DMTF1: variants seen among roughly 807,000 people sequenced by gnomAD.
The protein encoded by DMTF1 is cyclin D binding myb like transcription factor 1, also known as cyclin-D-binding Myb-like transcription factor 1.
Under a neutral mutation model 91.1 loss-of-function variants are expected in DMTF1, and 39 were observed. The observed-to-expected ratio is 0.43, with a 90% CI of 0.33 to 0.56. The LOEUF is 0.56. DMTF1 is among the 20% of genes least tolerant of loss of function. DMTF1 has a pLI of 0.05. For synonymous variants in DMTF1, 338 were observed against 309.5 expected (o/e 1.09, Z -0.97); for missense variants, 750 against 914.5 (o/e 0.82, Z 2.32).
intron 1 of DMTF1, among the ~76,000 whole-genome samples, chr7:87,161,588 A>G (rs1792425838): frequency 6.6e-6 from 1 of 152,230 alleles, no homozygotes; most frequent in South Asian, 2.1e-4. Flanking sequence ...ATATTTGGAT[A>G]TATTTGTTGA....
chr7:87,192,979 T>A, intron 14 of DMTF1: 1 of 496,298 alleles, frequency 2.0e-6, no homozygotes. Context: ...CTGAAACAAA[T>A]AGCTGAGACC....
chr7:87,158,759 A>G (rs1791450338), intron 1 of DMTF1, among the ~76,000 whole-genome samples: 1 of 152,082 alleles, frequency 6.6e-6, no homozygotes, highest in Admixed American at 6.5e-5. Flanking sequence ...ATTTCATTTT[A>G]TACTTTTTTT....
rs1441457856 is a variant in DMTF1, at chr7:87,188,190, A to T, written c.1300A>T (p.Asn434Tyr). The change falls in exon 13 of 18, where the codon AAT becomes TAT. Residue 434 changes from asparagine to tyrosine, a missense_variant. By Grantham distance (143) the Asn-to-Tyr change is moderately radical. This residue lies in a region of DMTF1 where 410 missense variants were observed against 420.2 expected (regional missense o/e 0.98). Transcript: ENST00000331242. Reference protein sequence around the residue: ...SGSGVPNSNTNSSVQHVQIRV... With the variant: ...SGSGVPNSNTYSSVQHVQIRV... ...ATCTGGAGTTCCAAACAGTAATACC[A>T]ATTCCAGTGTGCAGCATGTTCAGAT... 1 of 1,613,988 alleles carries T rather than the reference A, an allele frequency of 6.2e-7. No homozygotes were observed.
At chr7:87,190,674 G>A (rs1406080641) in intron 13 of DMTF1, among the ~76,000 whole-genome samples, 1 of 152,054 alleles carries the variant, frequency 6.6e-6, no homozygotes, top group African/African-American at 2.4e-5. Context: ...ACCAGTAGGT[G>A]TGGCTGTGTT....
Position 87,190,967 on chromosome 7 carries a change from C to A in DMTF1, c.1434C>A (p.Thr478=), listed in dbSNP as rs773004621. ...CAGCTTCAGCAGACTCTCCTGCTAC[C>A]GTTGACTCAGAAACAATAACACTAA... is the stretch of plus-strand genomic sequence containing the variant. ...THVSSADSPA[T]VDSETITLNS... Residue 478 remains threonine, a synonymous_variant, in exon 14 of 18, where the codon ACC becomes ACA. Transcript: ENST00000331242. 1.9e-6 allele frequency: 3 copies of A among 1,610,350 alleles called. No individual in the cohort carries two copies. The highest frequency in any genetic ancestry group is 1.7e-5 in the Admixed American group (1 of 59,620).
intron 7 of DMTF1, among the ~76,000 whole-genome samples, chr7:87,176,949 A>T (rs913036586): frequency 2.6e-5 from 4 of 152,094 alleles, no homozygotes; most frequent in Non-Finnish European, 5.9e-5. Flanking sequence ...GAGGCAGGAG[A>T]ATCTTTCATC....
intron 14 of DMTF1, among the ~76,000 whole-genome samples, chr7:87,192,023 T>G (rs1466584494): frequency 6.6e-6 from 1 of 152,118 alleles, no homozygotes; most frequent in East Asian, 1.9e-4. Flanking sequence ...TCTAGTGGTC[T>G]TTGAAATGGG....
At chr7:87,190,826 A>T in intron 13 of DMTF1, 119 bp from the exon 14 acceptor site, 1 of 731,086 alleles carries the variant, frequency 1.4e-6, no homozygotes, top group Non-Finnish European at 2.1e-6. Context: ...TCAGGTCTCC[A>T]GGCAAATTAT....
At position 87,192,121 on chromosome 7, in the gene DMTF1, C is replaced by T. The variant is rs531789984; in HGVS notation, c.1495-1077C>T. On this transcript the variant is annotated intron_variant, in intron 14 of 17. Transcript: ENST00000331242. ...GGTAAACAATATATGTACACACCTA[C>T]ATATTTGAGGTATGTGTTCAGGTTT... 9.9e-5 allele frequency among the ~76,000 whole-genome samples: 15 copies of T among 152,150 alleles called. No individual in the cohort carries two copies. The South Asian group carries it at 2.7e-3, about 27-fold the overall frequency.
At chr7:87,154,940 C>G (rs1045135174) in intron 1 of DMTF1, among the ~76,000 whole-genome samples, 1 of 152,174 alleles carries the variant, frequency 6.6e-6, no homozygotes, top group Non-Finnish European at 1.5e-5. Flanking sequence ...CTATTAGCCT[C>G]ATTTATCTCT....
intron 1 of DMTF1, among the ~76,000 whole-genome samples, chr7:87,154,849 GGTTA>G (rs1353740426): frequency 2.6e-5 from 4 of 152,024 alleles, no homozygotes; most frequent in African/African-American, 9.7e-5. Context: ...TATTTTATAA[GGTTA>G]GTTTGATATC....
intron 5 of DMTF1, among the ~76,000 whole-genome samples, chr7:87,173,199 T>G (rs1237277041): frequency 1.3e-5 from 2 of 152,162 alleles, no homozygotes; most frequent in Non-Finnish European, 2.9e-5. Flanking sequence ...TATTTAAATT[T>G]CCCTGAATAT....
Position 87,166,471 on chromosome 7 carries a change from T to G in DMTF1, c.110-12T>G. ...GGTTTGAAATTTTTGTTTGTTTGTT[T>G]TCTTCCATTAGAAGCGGATGAAATA... On this transcript the variant is annotated splice_polypyrimidine_tract_variant and intron_variant, in intron 3 of 17. Transcript: ENST00000331242. 1 of 1,600,320 alleles carries G rather than the reference T, an allele frequency of 6.2e-7. No individual in the cohort carries two copies. Among genetic ancestry groups the G allele is most frequent in the Non-Finnish European group, 8.5e-7 (1 of 1,175,412 alleles).
intron 13 of DMTF1, among the ~76,000 whole-genome samples, chr7:87,189,768 C>G (rs1250448663): frequency 6.6e-6 from 1 of 152,124 alleles, no homozygotes; most frequent in East Asian, 1.9e-4. Context: ...GAGGGATAGT[C>G]TTTGTTTAGC....
chr7:87,184,823 G>GT (rs1478959465), intron 11 of DMTF1, 198 bp downstream of exon 11: 1 of 678,824 alleles, frequency 1.5e-6, no homozygotes, highest in Non-Finnish European at 2.7e-6. Context: ...TTTTTAGTGG[G>GT]TTTAGTGCTC....
chr7:87,191,140 G>GTAA (rs1378033217), intron 14 of DMTF1, 113 bp downstream of exon 14: 1 of 676,530 alleles, frequency 1.5e-6, no homozygotes. Context: ...CAAATGAATG[G>GTAA]TAGACTAAAT....
At chr7:87,179,509 A>G in intron 7 of DMTF1, 36 bp from the exon 8 acceptor site, 1 of 1,459,680 alleles carries the variant, frequency 6.9e-7, no homozygotes, top group South Asian at 1.6e-5. Flanking sequence ...GCATTTTATC[A>G]GAAATCCCTA....
chr7:87,195,406 TTTCATTCAC>T lies in DMTF1; in HGVS notation c.*271_*279del. ...TTTAGTGTTACATGGGAATAAGGAA[TTTCATTCAC>T]TTCAGCCACTAAGAAAAGTTTAGAA... On this transcript the variant is annotated 3_prime_UTR_variant, in exon 18 of 18. Transcript: ENST00000331242. 1 of 292,048 alleles carries T rather than the reference TTTCATTCAC, an allele frequency of 3.4e-6. No homozygotes were observed. 18.1% of individuals were successfully genotyped at this position (292,048 alleles called of 1,614,324 possible).
At chr7:87,168,413 T>A (rs1466992473) in intron 4 of DMTF1, among the ~76,000 whole-genome samples, 4 of 152,210 alleles carry the variant, frequency 2.6e-5, no homozygotes, top group African/African-American at 9.6e-5. Flanking sequence ...TCAGACTTTC[T>A]GTTTTCCTAC....
Sources: gnomAD v4.1 joint callset for allele counts (sites outside exome capture counted in the v4.1 genomes callset) on GRCh38, gnomAD v4.1.1 for gene constraint, gnomAD v4.1.1 regional missense constraint, MANE v1.5 for transcripts, NCBI Gene and HGNC (gene_info 2026-07-23, HGNC 2026-07-21) for gene names.